The following SDK1 variants were observed in gnomAD, a reference collection of about 807,000 sequenced individuals.
SDK1 encodes the protein sidekick cell adhesion molecule 1, also known as protein sidekick-1.
A neutral mutation model predicts 245.5 loss-of-function variants in SDK1; 157 were observed. The ratio of observed to expected loss-of-function variants is 0.64; its 90% CI spans 0.56 to 0.73. SDK1 has a LOEUF of 0.73. Among genes scored for constraint, SDK1 ranks in the 30% least tolerant of loss-of-function variants. The pLI, the probability that SDK1 is intolerant of heterozygous loss-of-function variation, is 0.00. For synonymous variants in SDK1, 1,647 were observed against 1,278.5 expected (o/e 1.29, Z -6.15); for missense variants, 3,583 against 3,002.3 (o/e 1.19, Z -4.52).
intron 1 of SDK1, among the ~76,000 whole-genome samples, chr7:3,613,077 T>G (rs1781656653): frequency 6.6e-6 from 1 of 152,204 alleles, no homozygotes; most frequent in Admixed American, 6.5e-5. Context: ...GAACTTGCAG[T>G]TCAACTTGCT....
At chr7:3,889,510 ATTCT>A (rs915247175) in intron 5 of SDK1, among the ~76,000 whole-genome samples, 13 of 151,780 alleles carry the variant, frequency 8.6e-5, no homozygotes, top group African/African-American at 3.1e-4. Flanking sequence ...TGGCTAGATG[ATTCT>A]TTTTTTTTTT....
At chr7:4,219,542 G>A (rs553246685) in intron 38 of SDK1, among the ~76,000 whole-genome samples, 4 of 152,256 alleles carry the variant, frequency 2.6e-5, no homozygotes, top group Non-Finnish European at 5.9e-5. Flanking sequence ...TCACTACCAC[G>A]AGAACAGAAT....
At chr7:3,900,304 T>G (rs1781743349) in intron 5 of SDK1, among the ~76,000 whole-genome samples, 1 of 152,206 alleles carries the variant, frequency 6.6e-6, no homozygotes, top group Admixed American at 6.5e-5. Context: ...TTGAACAGAG[T>G]CTAAAATTTA....
chr7:3,892,184 T>C (rs1472881375), intron 5 of SDK1, among the ~76,000 whole-genome samples: 1 of 152,260 alleles, frequency 6.6e-6, no homozygotes, highest in Non-Finnish European at 1.5e-5. Flanking sequence ...ATGGCAGCCC[T>C]ACTTCTGTGT....
At chr7:3,780,634 C>T (rs542512821) in intron 4 of SDK1, among the ~76,000 whole-genome samples, 114 of 152,304 alleles carry the variant, frequency 7.5e-4, no homozygotes, top group African/African-American at 2.7e-3. Flanking sequence ...GGAAGACATT[C>T]ACCTCCTCCC....
At position 3,361,439 on chromosome 7, in the gene SDK1, C is replaced by G. The variant is rs1161095344; in HGVS notation, c.298+59555C>G. Among the ~76,000 whole-genome samples the G allele has an allele frequency of 2.6e-5, 4 of 152,298 alleles. No individual in the cohort carries two copies. In the Middle Eastern group the frequency reaches 0.014, roughly 518 times the overall value. On this transcript the variant is annotated intron_variant, in intron 1 of 44. Coordinates refer to ENST00000404826, the MANE Select transcript of SDK1 (RefSeq NM_152744.4). ...GCTTTTTCTGTTTCAAGTTCTTGCCCTTGGCTTCTCTTCCCTTCCCAGCAT... is the reference window on the plus strand; with the variant it reads ...GCTTTTTCTGTTTCAAGTTCTTGCCGTTGGCTTCTCTTCCCTTCCCAGCAT...
intron 1 of SDK1, among the ~76,000 whole-genome samples, chr7:3,432,773 G>A (rs1370202325): frequency 6.6e-6 from 1 of 152,124 alleles, no homozygotes. Context: ...GAAAGAGTCA[G>A]TTTCCCTCCA....
intron 1 of SDK1, among the ~76,000 whole-genome samples, chr7:3,356,978 CT>C (rs36025774): frequency 0.6 from 89,052 of 148,224 alleles, 27,683 homozygotes; most frequent in African/African-American, 0.78. Context: ...CCGCTTGAAC[CT>C]GGGAGGCAGA....
intron 5 of SDK1, among the ~76,000 whole-genome samples, chr7:3,829,982 C>G (rs1204185992): frequency 1.3e-5 from 2 of 152,162 alleles, no homozygotes; most frequent in Non-Finnish European, 2.9e-5. Context: ...CAATAAGTCA[C>G]AATTTCTGAT....
chr7:3,532,346 AT>A (rs1394035306), intron 1 of SDK1, among the ~76,000 whole-genome samples: 1 of 151,886 alleles, frequency 6.6e-6, no homozygotes, highest in Non-Finnish European at 1.5e-5. Context: ...GGTCTTTTTT[AT>A]TAGTTGTTAT....
intron 35 of SDK1, among the ~76,000 whole-genome samples, chr7:4,203,636 C>A (rs2128226460): frequency 6.6e-6 from 1 of 152,172 alleles, no homozygotes; most frequent in Admixed American, 6.5e-5. Context: ...CCGTGTCTCC[C>A]AAACTGCACA....
chr7:3,768,215 T>C (rs1381250825), intron 4 of SDK1, among the ~76,000 whole-genome samples: 1 of 152,214 alleles, frequency 6.6e-6, no homozygotes, highest in Non-Finnish European at 1.5e-5. Flanking sequence ...TATAATAGAC[T>C]GCAACCATAC....
At chr7:4,135,511 G>A (rs1322735952) in intron 28 of SDK1, among the ~76,000 whole-genome samples, 3 of 152,246 alleles carry the variant, frequency 2.0e-5, no homozygotes, top group Non-Finnish European at 2.9e-5. Context: ...AAGTCAGATG[G>A]CACGAACCTT....
chr7:3,734,543 G>A (rs1009001631), intron 4 of SDK1, among the ~76,000 whole-genome samples: 1 of 152,206 alleles, frequency 6.6e-6, no homozygotes, highest in African/African-American at 2.4e-5. Flanking sequence ...CAGTACTTCA[G>A]GGTTAAACAT....
At chr7:3,946,209 G>T (rs1780571567) in intron 5 of SDK1, among the ~76,000 whole-genome samples, 1 of 152,004 alleles carries the variant, frequency 6.6e-6, no homozygotes, top group African/African-American at 2.4e-5. Flanking sequence ...ACAGGGTCTT[G>T]CTCTGTTGCC....
intron 1 of SDK1, among the ~76,000 whole-genome samples, chr7:3,479,772 G>C (rs772113056): frequency 6.6e-6 from 1 of 151,526 alleles, no homozygotes; most frequent in Non-Finnish European, 1.5e-5. Context: ...TGAGGCAGGA[G>C]AATTGCTTGA....
At chr7:3,890,763 G>A (rs1175595386) in intron 5 of SDK1, among the ~76,000 whole-genome samples, 1 of 152,136 alleles carries the variant, frequency 6.6e-6, no homozygotes, top group South Asian at 2.1e-4. Context: ...GCAACATGGT[G>A]AAACCCTGTC....
intron 5 of SDK1, among the ~76,000 whole-genome samples, chr7:3,873,698 C>G (rs1781009589): frequency 6.6e-6 from 1 of 152,120 alleles, no homozygotes; most frequent in Admixed American, 6.5e-5. Context: ...TCTTCAAGTT[C>G]AGTAGTCTTT....
In SDK1 at chr7:3,341,225, A is replaced by G. The variant is rs561972138; in HGVS notation, c.298+39341A>G. 5.0e-4 allele frequency among the ~76,000 whole-genome samples: 76 copies of G among 152,344 alleles called. 1 individual carries two copies. The highest frequency in any genetic ancestry group is 1.7e-3 in the African/African-American group (69 of 41,574). Reference sequence around the variant, plus strand: ...AGACTGGTTCAACGTTCGAAAATCTATGCCACCCACCATATCAACAGACCA... The same window carrying G: ...AGACTGGTTCAACGTTCGAAAATCTGTGCCACCCACCATATCAACAGACCA... On this transcript the variant is annotated intron_variant, in intron 1 of 44. Transcript: ENST00000404826.
Sources: gnomAD v4.1 joint callset for allele counts (sites outside exome capture counted in the v4.1 genomes callset) on GRCh38, gnomAD v4.1.1 for gene constraint, MANE v1.5 for transcripts, NCBI Gene and HGNC (gene_info 2026-07-23, HGNC 2026-07-21) for gene names.